The following ATF6 variants were observed in gnomAD, a reference collection of about 807,000 sequenced individuals.
ATF6 encodes cyclic AMP-dependent transcription factor ATF-6 alpha.
A neutral mutation model predicts 83.6 loss-of-function variants in ATF6; 53 were observed. That is an observed-to-expected ratio of 0.63 (90% CI 0.51 to 0.80). The LOEUF is 0.80. ATF6 is among the 30% of genes least tolerant of loss of function. The pLI, the probability that ATF6 is intolerant of heterozygous loss-of-function variation, is 0.00. For missense variants in ATF6, 744 were observed against 797.9 expected (o/e 0.93, Z 0.81); for synonymous variants, 288 against 285.8 (o/e 1.01, Z -0.08).
intron 13 of ATF6, among the ~76,000 whole-genome samples, chr1:161,860,739 T>C (rs972438700): frequency 5.1e-4 from 77 of 152,012 alleles, no homozygotes; most frequent in African/African-American, 1.7e-3. Flanking sequence ...AATCATTTAT[T>C]TTTTTTGTAA....
chr1:161,879,986 A>T (rs1382351720), intron 14 of ATF6, among the ~76,000 whole-genome samples: 1 of 152,110 alleles, frequency 6.6e-6, no homozygotes, highest in African/African-American at 2.4e-5. Context: ...TTTAGTGCTT[A>T]TCTTGGGTAT....
intron 9 of ATF6, 44 bp from the exon 10 acceptor site, chr1:161,846,405 A>T (rs752743258): frequency 1.9e-6 from 3 of 1,577,544 alleles, no homozygotes; most frequent in Non-Finnish European, 2.6e-6. Context: ...CATATGTGTG[A>T]CATATTTTTA....
intron 9 of ATF6, among the ~76,000 whole-genome samples, chr1:161,831,709 AC>A (rs1224859401): frequency 7.0e-6 from 1 of 143,692 alleles, no homozygotes. Context: ...AAAACCAAAC[AC>A]CACATGTTCT....
chr1:161,776,405 C>T (rs1453604978), intron 1 of ATF6, among the ~76,000 whole-genome samples: 1 of 152,160 alleles, frequency 6.6e-6, no homozygotes, highest in Non-Finnish European at 1.5e-5. Flanking sequence ...CACAAAACCC[C>T]ATCACCTTTG....
chr1:161,876,277 T>C (rs1254885482), intron 14 of ATF6, among the ~76,000 whole-genome samples: 3 of 152,014 alleles, frequency 2.0e-5, no homozygotes, highest in Admixed American at 6.6e-5. Flanking sequence ...AGTTGAGATA[T>C]TAACTCAGCC....
Position 161,782,018 on chromosome 1 carries a change from G to C in ATF6, c.247+19G>C. 6.5e-7 allele frequency: 1 copy of C among 1,527,512 alleles called. No individual in the cohort carries two copies. The highest frequency in any genetic ancestry group is 1.4e-5 in the African/African-American group (1 of 72,434). The allele number at this position is 1,527,512 out of a possible 1,614,324, so 94.6% of individuals were successfully genotyped here. A position where few individuals can be genotyped will look rare whatever the true frequency, so the allele number is the denominator to read the frequency against. ...TGTACAGGTAATTATGTGTTTCACT[G>C]GTAAAAGTTTTAAAAAGATCAATTT... On this transcript the variant is annotated intron_variant, in intron 3 of 15. Coordinates refer to ENST00000367942, the MANE Select transcript of ATF6 (RefSeq NM_007348.4).
At chr1:161,852,596 TTTTTA>T (rs1391378943) in intron 11 of ATF6, among the ~76,000 whole-genome samples, 1 of 152,092 alleles carries the variant, frequency 6.6e-6, no homozygotes, top group African/African-American at 2.4e-5. Flanking sequence ...TAGGAAATAC[TTTTTA>T]TTTTGTTTTG....
chr1:161,911,063 A>G (rs1490549079), intron 14 of ATF6, among the ~76,000 whole-genome samples: 1 of 152,172 alleles, frequency 6.6e-6, no homozygotes, highest in Admixed American at 6.5e-5. Context: ...CACACTTCAT[A>G]ATCATATCAA....
Position 161,961,790 on chromosome 1 carries a change from T to G in ATF6, c.*3136T>G, listed in dbSNP as rs1414381915. 1 of 152,228 alleles carries G rather than the reference T, an allele frequency of 6.6e-6. No homozygotes were observed. The highest frequency in any genetic ancestry group is 1.5e-5 in the Non-Finnish European group (1 of 68,032). The allele number at this position is 152,228 out of a possible 1,614,324, so 9.4% of individuals were successfully genotyped here. A position where few individuals can be genotyped will look rare whatever the true frequency, so the allele number is the denominator to read the frequency against. On this transcript the variant is annotated 3_prime_UTR_variant, in exon 16 of 16. Coordinates refer to ENST00000367942, the MANE Select transcript of ATF6 (RefSeq NM_007348.4). The stretch of plus-strand genomic sequence containing the variant: ...ACTCTTGGGAAGTGATGGTAGAGAC[T>G]GATGGGAATAGTCTTTCTGCCTGGT...
chr1:161,802,089 A>G lies in ATF6; in HGVS notation c.726A>G (p.Gln242=), dbSNP rs1228324808. 10 of 1,613,914 alleles carry G rather than the reference A, an allele frequency of 6.2e-6. No individual in the cohort carries two copies. Among genetic ancestry groups the G allele is most frequent in the South Asian group, 1.1e-5 (1 of 91,074 alleles). The stretch of plus-strand genomic sequence containing the variant: ...TGCTGTCTCAGCCTACTGTGGTACA[A>G]CTTCAAGCACCTGGAGTTCTGCCCT... ...TVLLSQPTVV[Q]LQAPGVLPSA... The change falls in exon 7 of 16, where the codon CAA becomes CAG. Residue 242 remains glutamine, a synonymous_variant. Transcript: ENST00000367942.
intron 1 of ATF6, among the ~76,000 whole-genome samples, chr1:161,773,513 G>A (rs1684445929): frequency 2.0e-5 from 3 of 152,022 alleles, no homozygotes; most frequent in Non-Finnish European, 4.4e-5. Context: ...TGATCCACCC[G>A]CCTCGGCCTT....
chr1:161,877,955 A>G (rs1687249799), intron 14 of ATF6, among the ~76,000 whole-genome samples: 1 of 152,102 alleles, frequency 6.6e-6, no homozygotes, highest in Admixed American at 6.6e-5. Context: ...GCACGGTAAT[A>G]TGTTTGGTAT....
chr1:161,877,745 G>T, intron 14 of ATF6, among the ~76,000 whole-genome samples: 1 of 152,130 alleles, frequency 6.6e-6, no homozygotes, highest in Admixed American at 6.6e-5. Flanking sequence ...GGAGCAGAGA[G>T]AGCAGAGATA....
At chr1:161,821,512 G>A (rs1021255888) in intron 9 of ATF6, among the ~76,000 whole-genome samples, 1 of 152,198 alleles carries the variant, frequency 6.6e-6, no homozygotes, top group African/African-American at 2.4e-5. Flanking sequence ...GAAGGAAGCT[G>A]AACATTGAAC....
At chr1:161,916,111 C>T (rs1688095677) in intron 15 of ATF6, among the ~76,000 whole-genome samples, 1 of 152,186 alleles carries the variant, frequency 6.6e-6, no homozygotes, top group Admixed American at 6.5e-5. Context: ...ATGAAATGCT[C>T]TTGCCCTTCC....
intron 6 of ATF6, among the ~76,000 whole-genome samples, chr1:161,799,668 T>C (rs541697237): frequency 6.6e-6 from 1 of 152,346 alleles, no homozygotes; most frequent in South Asian, 2.1e-4. Flanking sequence ...GAAGTATTAA[T>C]ACATTGTATC....
At chr1:161,893,744 A>G (rs1300036422) in intron 14 of ATF6, among the ~76,000 whole-genome samples, 1 of 152,236 alleles carries the variant, frequency 6.6e-6, no homozygotes, top group Admixed American at 6.5e-5. Context: ...ACACAAGTGT[A>G]TAATGGACAA....
At chr1:161,830,152 TAGCAGACA>T (rs1242788154) in intron 9 of ATF6, among the ~76,000 whole-genome samples, 1 of 152,112 alleles carries the variant, frequency 6.6e-6, no homozygotes, top group Admixed American at 6.5e-5. Context: ...TATACACCAA[TAGCAGACA>T]AACAGAGAGC....
At chr1:161,812,459 C>T (rs1352861316) in intron 7 of ATF6, among the ~76,000 whole-genome samples, 1 of 123,936 alleles carries the variant, frequency 8.1e-6, no homozygotes, top group African/African-American at 2.9e-5. Flanking sequence ...GTGGCGGGAT[C>T]TCGGCTCACT....
Sources: allele counts gnomAD v4.1 joint callset (sites outside exome capture counted in the v4.1 genomes callset), GRCh38; gene constraint gnomAD v4.1.1; transcripts MANE v1.5; gene names NCBI Gene and HGNC (gene_info 2026-07-23, HGNC 2026-07-21).